FHIT: variants seen among roughly 807,000 people sequenced by gnomAD.
The protein encoded by FHIT is bis(5'-adenosyl)-triphosphatase.
A neutral mutation model predicts 17.9 loss-of-function variants in FHIT; 19 were observed. The ratio of observed to expected loss-of-function variants is 1.06; its 90% CI spans 0.74 to 1.56. The LOEUF is 1.56. Ranked by LOEUF, FHIT falls within the 40% of genes most tolerant of loss-of-function variation. The pLI is 0.00. For missense variants in FHIT, 248 were observed against 189.2 expected (o/e 1.31, Z -1.82); for synonymous variants, 81 against 69.7 (o/e 1.16, Z -0.81).
chr3:61,178,001 G>A (rs2038210779), intron 2 of FHIT, among the ~76,000 whole-genome samples: 1 of 152,150 alleles, frequency 6.6e-6, no homozygotes. Flanking sequence ...CCATTGGTCT[G>A]GATGGTGTTT....
intron 4 of FHIT, among the ~76,000 whole-genome samples, chr3:60,590,265 T>G (rs1416640158): frequency 6.6e-6 from 1 of 152,052 alleles, no homozygotes; most frequent in Non-Finnish European, 1.5e-5. Context: ...TCAAATGACA[T>G]CTACTCACAG....
At chr3:61,046,296 G>C (rs557059291) in intron 2 of FHIT, among the ~76,000 whole-genome samples, 1 of 152,184 alleles carries the variant, frequency 6.6e-6, no homozygotes, top group East Asian at 1.9e-4. Flanking sequence ...AATAAAAAAT[G>C]ATAAAAGGGA....
At chr3:60,421,767 C>G (rs1702476771) in intron 5 of FHIT, among the ~76,000 whole-genome samples, 1 of 151,920 alleles carries the variant, frequency 6.6e-6, no homozygotes, top group Admixed American at 6.6e-5. Context: ...AGGTGGAAAA[C>G]TTGAAACAGG....
At chr3:61,244,255 T>C (rs2040436199) in intron 1 of FHIT, 1 of 152,120 alleles carries the variant, frequency 6.6e-6, no homozygotes, top group Non-Finnish European at 1.5e-5. Flanking sequence ...CAGCCCCAGG[T>C]GATTCTAACT....
chr3:60,216,324 CTGTT>C (rs1204538157), intron 5 of FHIT, among the ~76,000 whole-genome samples: 15 of 152,134 alleles, frequency 9.9e-5, no homozygotes, highest in East Asian at 3.9e-4. Flanking sequence ...AGAGTCAGAT[CTGTT>C]TGTTTGTTTC....
intron 5 of FHIT, among the ~76,000 whole-genome samples, chr3:60,450,418 G>A (rs577212946): frequency 1.3e-5 from 2 of 151,928 alleles, no homozygotes; most frequent in East Asian, 1.9e-4. Context: ...ATATCTCTAA[G>A]AGCTGAGCTG....
chr3:60,476,150 T>C (rs1240013342), intron 5 of FHIT, among the ~76,000 whole-genome samples: 1 of 152,216 alleles, frequency 6.6e-6, no homozygotes, highest in Non-Finnish European at 1.5e-5. Flanking sequence ...TGAGGAGATA[T>C]GCACCATTTG....
intron 4 of FHIT, among the ~76,000 whole-genome samples, chr3:60,557,234 G>A (rs1194675787): frequency 2.0e-5 from 3 of 152,128 alleles, no homozygotes; most frequent in Non-Finnish European, 4.4e-5. Flanking sequence ...AGCAAGTGAT[G>A]GAGCCGAGAT....
At chr3:60,821,580 T>G (rs1308397628) in intron 4 of FHIT, among the ~76,000 whole-genome samples, 2 of 152,180 alleles carry the variant, frequency 1.3e-5, no homozygotes, top group Non-Finnish European at 2.9e-5. Context: ...TTATTAAATA[T>G]GTGTAACTGC....
chr3:60,994,181 A>T (rs1233052742), intron 3 of FHIT, among the ~76,000 whole-genome samples: 1 of 152,162 alleles, frequency 6.6e-6, no homozygotes, highest in Non-Finnish European at 1.5e-5. Context: ...GTTATTAAAC[A>T]TTTTTTTAAG....
In FHIT at chr3:60,934,492, G is replaced by T. The variant is rs576648269; in HGVS notation, c.-111+107555C>A. ...CTGGACAGATGGTTATACCACCAGA[G>T]TGAGCTACAGCAGTGGCTTTCTAGA... is the stretch of plus-strand genomic sequence containing the variant. On this transcript the variant is annotated intron_variant, in intron 3 of 9. Transcript: ENST00000492590. 5.9e-5 allele frequency among the ~76,000 whole-genome samples: 9 copies of T among 152,330 alleles called. No individual in the cohort carries two copies. The East Asian group carries it at 1.7e-3, about 29-fold the overall frequency.
chr3:60,826,348 T>C (rs1390179733), intron 3 of FHIT, among the ~76,000 whole-genome samples: 1 of 151,178 alleles, frequency 6.6e-6, no homozygotes, highest in Non-Finnish European at 1.5e-5. Flanking sequence ...TGTTTTGAGA[T>C]GGACTTTCAC....
chr3:60,737,571 A>G (rs141361349), intron 4 of FHIT, among the ~76,000 whole-genome samples: 125 of 152,372 alleles, frequency 8.2e-4, no homozygotes, highest in African/African-American at 3.0e-3. Flanking sequence ...CTGCTGGGAC[A>G]TAAACCATCC....
At chr3:59,769,589 C>T (rs1701973440) in intron 8 of FHIT, among the ~76,000 whole-genome samples, 2 of 152,188 alleles carry the variant, frequency 1.3e-5, no homozygotes, top group East Asian at 1.9e-4. Flanking sequence ...GCTGCCAGGC[C>T]AGATTTTCTG....
chr3:61,060,674 G>A (rs2034395470), intron 2 of FHIT, among the ~76,000 whole-genome samples: 2 of 152,234 alleles, frequency 1.3e-5, no homozygotes, highest in Admixed American at 1.3e-4. Context: ...ACTAATGACT[G>A]AGACTTTGGC....
chr3:61,052,374 G>A (rs573068758), intron 2 of FHIT, among the ~76,000 whole-genome samples: 17 of 152,182 alleles, frequency 1.1e-4, no homozygotes, highest in African/African-American at 3.4e-4. Flanking sequence ...GCCCAAGTTC[G>A]ACAGCCGGTA....
At position 60,390,029 on chromosome 3, in the gene FHIT, A is replaced by G. The variant is rs1701159023; in HGVS notation, c.103+146831T>C. Among the ~76,000 whole-genome samples, 3 of 152,176 alleles carry G rather than the reference A, an allele frequency of 2.0e-5. 1 individual carries two copies. The South Asian group carries it at 6.2e-4, about 31-fold the overall frequency. On this transcript the variant is annotated intron_variant, in intron 5 of 9. Coordinates refer to ENST00000492590, the MANE Select transcript of FHIT (RefSeq NM_002012.4). ...TTCCTTCCATATATCTCTCTGCTGC[A>G]ATCTCTCTGTTGCAAAACTGTTGTT...
intron 3 of FHIT, among the ~76,000 whole-genome samples, chr3:61,008,807 C>G (rs1046431333): frequency 6.6e-6 from 1 of 152,134 alleles, no homozygotes; most frequent in Admixed American, 6.5e-5. Flanking sequence ...AGTTCAGTTC[C>G]CTCCATAGTG....
chr3:60,631,170 C>G (rs1222485447), intron 4 of FHIT, among the ~76,000 whole-genome samples: 1 of 152,022 alleles, frequency 6.6e-6, no homozygotes, highest in Admixed American at 6.6e-5. Context: ...AGGCGCCCCT[C>G]CTCCTCTGTA....
Sources: allele counts gnomAD v4.1 joint callset (sites outside exome capture counted in the v4.1 genomes callset), GRCh38; gene constraint gnomAD v4.1.1; transcripts MANE v1.5; gene names NCBI Gene and HGNC (gene_info 2026-07-23, HGNC 2026-07-21).